ZNF536: variants seen among roughly 807,000 people sequenced by gnomAD.
The protein encoded by ZNF536 is zinc finger protein 536.
A neutral mutation model predicts 84.5 loss-of-function variants in ZNF536; 13 were observed. The ratio of observed to expected loss-of-function variants is 0.15; its 90% CI spans 0.10 to 0.24. The LOEUF (loss-of-function observed/expected upper bound fraction) is 0.24. ZNF536 is among the 10% of genes least tolerant of loss of function. The pLI is 1.00. For synonymous variants in ZNF536, 811 were observed against 742.5 expected, an observed-to-expected ratio of 1.09 and a Z score of -1.50; for missense variants, 1,536 against 1,747.5, an observed-to-expected ratio of 0.88 and a Z score of 2.16.
chr19:30,254,577 T>A (rs1273460307), intron 1 of ZNF536, among the ~76,000 whole-genome samples: 4 of 82,488 alleles, frequency 4.8e-5, no homozygotes, highest in African/African-American at 2.0e-4. Context: ...ATTTGATTGT[T>A]CTCTTTTTGA....
chr19:30,255,230 T>G (rs1599906249), intron 1 of ZNF536, among the ~76,000 whole-genome samples: 1 of 151,884 alleles, frequency 6.6e-6, no homozygotes. Context: ...GTCGGTGGGG[T>G]TTACTCTTAC....
Position 30,444,987 on chromosome 19 carries a change from C to T in ZNF536, c.1425C>T (p.Ser475=), listed in dbSNP as rs1002294556. Residue 475 remains serine, a synonymous_variant, in exon 2 of 5, where the codon AGC becomes AGT. Coordinates refer to ENST00000355537, the MANE Select transcript of ZNF536 (RefSeq NM_014717.3). ...GGAAGCTGCTGTCTCCCATCTCCAGCATGGCCCACGGCGTCCCGGAGGGGG... is the reference window on the plus strand; with the variant it reads ...GGAAGCTGCTGTCTCCCATCTCCAGTATGGCCCACGGCGTCCCGGAGGGGG... The part of the protein sequence containing the change: ...ALGKLLSPIS[S]MAHGVPEGDK... The T allele has an allele frequency of 2.5e-6, 4 of 1,611,174 alleles. No homozygotes were observed. Among genetic ancestry groups the T allele is most frequent in the Non-Finnish European group, 3.4e-6 (4 of 1,178,718 alleles).
At chr19:30,409,043 C>T (rs914746433) in intron 1 of ZNF536, among the ~76,000 whole-genome samples, 22 of 149,698 alleles carry the variant, frequency 1.5e-4, no homozygotes, top group Non-Finnish European at 2.7e-4. Context: ...TCCACTCATT[C>T]ATCCATCCAT....
intron 1 of ZNF536, among the ~76,000 whole-genome samples, chr19:30,437,130 A>G (rs990651806): frequency 6.6e-6 from 1 of 152,146 alleles, no homozygotes; most frequent in South Asian, 2.1e-4. Context: ...CAAGATCTAT[A>G]TTTTTTTGGA....
chr19:30,432,902 C>T (rs181921928), intron 1 of ZNF536, among the ~76,000 whole-genome samples: 23 of 152,274 alleles, frequency 1.5e-4, no homozygotes, highest in African/African-American at 5.1e-4. Context: ...GGACCTCAGC[C>T]GTTGGCGTCT....
At chr19:30,510,865 A>G (rs2055382898) in intron 2 of ZNF536, among the ~76,000 whole-genome samples, 1 of 152,162 alleles carries the variant, frequency 6.6e-6, no homozygotes, top group African/African-American at 2.4e-5. Context: ...CCCCGACCTG[A>G]GATGCTGATC....
intron 1 of ZNF536, among the ~76,000 whole-genome samples, chr19:30,267,886 GAC>G (rs527610187): frequency 2.5e-4 from 38 of 150,440 alleles, no homozygotes; most frequent in African/African-American, 5.8e-4. Context: ...GTGTGACAGA[GAC>G]ACACACACAC....
chr19:30,368,264 C>A (rs1600415690), upstream of ZNF536, among the ~76,000 whole-genome samples: 1 of 152,236 alleles, frequency 6.6e-6, no homozygotes, highest in South Asian at 2.1e-4. Context: ...TCCAGTCCAT[C>A]CTCCAGCTTC....
At chr19:30,408,643 G>A (rs532150990) in intron 1 of ZNF536, among the ~76,000 whole-genome samples, 163 of 152,268 alleles carry the variant, frequency 1.1e-3, no homozygotes, top group African/African-American at 3.7e-3. Context: ...TCACATCGCA[G>A]TTGCAATCTG....
intron 2 of ZNF536, among the ~76,000 whole-genome samples, chr19:30,309,768 G>A (rs1444981612): frequency 6.6e-6 from 1 of 152,164 alleles, no homozygotes; most frequent in Middle Eastern, 3.2e-3. Flanking sequence ...GTTTATTAAG[G>A]GTGGAACAAT....
intron 2 of ZNF536, among the ~76,000 whole-genome samples, chr19:30,350,941 G>C (rs1447764644): frequency 6.6e-6 from 1 of 152,182 alleles, no homozygotes; most frequent in Non-Finnish European, 1.5e-5. Flanking sequence ...TCAGTGGCTG[G>C]AACGTGGGGC....
At chr19:30,324,565 A>AT (rs1226884376) in intron 2 of ZNF536, among the ~76,000 whole-genome samples, 3 of 152,068 alleles carry the variant, frequency 2.0e-5, no homozygotes, top group Non-Finnish European at 4.4e-5. Flanking sequence ...ATTTTTTAAA[A>AT]TTTTTTTGTA....
intron 2 of ZNF536, among the ~76,000 whole-genome samples, chr19:30,343,912 G>A (rs569847616): frequency 1.6e-4 from 24 of 152,188 alleles, no homozygotes; most frequent in South Asian, 2.1e-4. Context: ...TCCTGAAAGC[G>A]TCCCTGTTTC....
chr19:30,534,919 C>G lies in ZNF536; in HGVS notation c.2243C>G (p.Ser748Trp). Residue 748 changes from serine (S) to tryptophan (W), a missense_variant, in exon 3 of 5, where the codon TCG (serine) becomes TGG (tryptophan). By Grantham distance (177) the Ser-to-Trp change is radical (BLOSUM62 -3). This residue lies in a region of ZNF536 where 148 missense variants were observed against 205.4 expected (regional missense o/e 0.72). Coordinates refer to ENST00000355537, the MANE Select transcript of ZNF536 (RefSeq NM_014717.3). Reference protein sequence around the residue: ...PALLRDRSLGSAMKDCPYCGK... With the variant: ...PALLRDRSLGWAMKDCPYCGK... Reference sequence around the variant, plus strand: ...CTGCTTCGCGACAGAAGCCTGGGCTCGGCCATGAAGGACTGCCCGTACTGT... The same window carrying G: ...CTGCTTCGCGACAGAAGCCTGGGCTGGGCCATGAAGGACTGCCCGTACTGT... The G allele has an allele frequency of 6.2e-7, 1 of 1,613,938 alleles. No homozygotes were observed. Among genetic ancestry groups the G allele is most frequent in the Non-Finnish European group, 8.5e-7 (1 of 1,179,896 alleles).
At chr19:30,670,310 T>A (rs1333106273) in intron 1 of ZNF536, among the ~76,000 whole-genome samples, 1 of 152,202 alleles carries the variant, frequency 6.6e-6, no homozygotes, top group Non-Finnish European at 1.5e-5. Flanking sequence ...TGAGTTCGAA[T>A]CCCGTCTTTT....
At chr19:30,291,020 A>G (rs1053022640) in intron 2 of ZNF536, among the ~76,000 whole-genome samples, 2 of 152,118 alleles carry the variant, frequency 1.3e-5, no homozygotes, top group African/African-American at 4.8e-5. Flanking sequence ...ACATGAACTC[A>G]TCCTTTTTTA....
At chr19:30,422,586 A>G (rs1568413189) in intron 1 of ZNF536, among the ~76,000 whole-genome samples, 1 of 152,104 alleles carries the variant, frequency 6.6e-6, no homozygotes. Context: ...CTTCCTTTCT[A>G]GAGGAGACTT....
intron 4 of ZNF536, among the ~76,000 whole-genome samples, chr19:30,549,879 A>C (rs954863697): frequency 6.6e-6 from 1 of 152,248 alleles, no homozygotes; most frequent in Admixed American, 6.5e-5. Flanking sequence ...CAAATTCTTC[A>C]GTATTTTCAA....
intron 2 of ZNF536, among the ~76,000 whole-genome samples, chr19:30,457,827 C>T (rs918672928): frequency 1.3e-5 from 2 of 152,182 alleles, no homozygotes; most frequent in African/African-American, 2.4e-5. Context: ...TCCATACCTG[C>T]CCCACAGGGG....
Sources: allele counts gnomAD v4.1 joint callset (sites outside exome capture counted in the v4.1 genomes callset), GRCh38; gene constraint gnomAD v4.1.1; regional missense constraint gnomAD v4.1.1; transcripts MANE v1.5; gene names NCBI Gene and HGNC (gene_info 2026-07-23, HGNC 2026-07-21).